Variants in CSMD1 observed in about 807,000 individuals in gnomAD.
The protein encoded by CSMD1 is CUB and sushi domain-containing protein 1.
Under a neutral mutation model 417.5 loss-of-function variants are expected in CSMD1, and 213 were observed. The observed-to-expected ratio is 0.51, with a 90% CI of 0.46 to 0.57. The LOEUF (loss-of-function observed/expected upper bound fraction) is 0.57. CSMD1 is among the 20% of genes least tolerant of loss of function. The pLI is 0.00. For missense variants in CSMD1, 6,923 were observed against 4,529.7 expected (o/e 1.53, Z -15.17); for synonymous variants, 2,862 against 1,736.8 (o/e 1.65, Z -16.11).
At chr8:3,224,044 C>G (rs962709204) in intron 27 of CSMD1, among the ~76,000 whole-genome samples, 177 bp from the exon 28 acceptor site, 18 of 152,190 alleles carry the variant, frequency 1.2e-4, no homozygotes, top group African/African-American at 4.1e-4. Flanking sequence ...CCCAGGAACT[C>G]TGTACATTTT....
chr8:4,751,008 T>C (rs933503181), intron 1 of CSMD1, among the ~76,000 whole-genome samples: 1 of 152,230 alleles, frequency 6.6e-6, no homozygotes, highest in Non-Finnish European at 1.5e-5. Context: ...GACCCTTATA[T>C]GGTGGCTATT....
At chr8:3,998,982 A>G (rs543995607) in intron 4 of CSMD1, among the ~76,000 whole-genome samples, 1 of 147,496 alleles carries the variant, frequency 6.8e-6, no homozygotes, top group South Asian at 2.1e-4. Flanking sequence ...AAATAACATA[A>G]ACTATATGAT....
chr8:4,459,129 A>T (rs1434555706), intron 2 of CSMD1, among the ~76,000 whole-genome samples: 4 of 152,196 alleles, frequency 2.6e-5, no homozygotes, highest in African/African-American at 9.7e-5. Context: ...TCAGGCCACC[A>T]TCCTTTCTCA....
intron 3 of CSMD1, among the ~76,000 whole-genome samples, chr8:4,055,072 A>C (rs1484637826): frequency 6.6e-6 from 1 of 152,178 alleles, no homozygotes; most frequent in Non-Finnish European, 1.5e-5. Context: ...ATCAGAGAGA[A>C]TACTCATGAG....
At chr8:4,717,724 G>T (rs1653365080) in intron 1 of CSMD1, among the ~76,000 whole-genome samples, 1 of 152,080 alleles carries the variant, frequency 6.6e-6, no homozygotes, top group Admixed American at 6.6e-5. Context: ...ATACAGTGGA[G>T]CCATGTTTGC....
At chr8:4,761,912 A>AATCAATCT (rs1307607582) in intron 1 of CSMD1, among the ~76,000 whole-genome samples, 4 of 101,266 alleles carry the variant, frequency 3.9e-5, no homozygotes, top group East Asian at 3.0e-4. Context: ...TCTATCTATC[A>AATCAATCT]ATCTATCTAT....
chr8:3,607,760 G>A (rs1233770386), intron 8 of CSMD1, among the ~76,000 whole-genome samples: 2 of 152,184 alleles, frequency 1.3e-5, no homozygotes, highest in African/African-American at 4.8e-5. Flanking sequence ...CCCCTCCTCT[G>A]TATCTCCATT....
intron 4 of CSMD1, among the ~76,000 whole-genome samples, chr8:4,018,226 G>C (rs1237687490): frequency 6.6e-6 from 1 of 152,034 alleles, no homozygotes; most frequent in Non-Finnish European, 1.5e-5. Context: ...TATATTTTCA[G>C]GATTCTGACT....
At chr8:4,701,702 G>A (rs1172719038) in intron 1 of CSMD1, among the ~76,000 whole-genome samples, 1 of 152,080 alleles carries the variant, frequency 6.6e-6, no homozygotes, top group Non-Finnish European at 1.5e-5. Flanking sequence ...AAAAAGTAGA[G>A]TGGTGACAAA....
At chr8:3,370,430 T>G (rs1809874084) in intron 18 of CSMD1, among the ~76,000 whole-genome samples, 1 of 152,178 alleles carries the variant, frequency 6.6e-6, no homozygotes, top group African/African-American at 2.4e-5. Flanking sequence ...GTGAGGCCTA[T>G]GGATGTCACC....
rs191015579 is a variant in CSMD1, at chr8:3,287,183, A to G, written c.3951-2837T>C. ...GCTCTGTTCTGTTCCATTGGTCTCT[A>G]TCTCTGTTTTGGTTACTGTAGCCTT... On this transcript the variant is annotated intron_variant, in intron 25 of 69. Transcript: ENST00000635120. Among the ~76,000 whole-genome samples, 31 of 131,454 alleles carry G rather than the reference A, an allele frequency of 2.4e-4. 1 individual carries two copies. The East Asian group carries it at 3.1e-3, about 13-fold the overall frequency. 86.2% of individuals were successfully genotyped at this position (131,454 alleles called of 152,430 possible). A position where few individuals can be genotyped will look rare whatever the true frequency, so the allele number is the denominator to read the frequency against.
intron 26 of CSMD1, among the ~76,000 whole-genome samples, chr8:3,254,670 T>C (rs1227004216): frequency 6.6e-6 from 1 of 152,248 alleles, no homozygotes; most frequent in Non-Finnish European, 1.5e-5. Context: ...AATTGGCTAT[T>C]GAGACTTGTG....
At position 3,172,794 on chromosome 8, in the gene CSMD1, T is replaced by C. The variant is rs559593141; in HGVS notation, c.5725+8316A>G. Among the ~76,000 whole-genome samples, 5 of 152,300 alleles carry C rather than the reference T, an allele frequency of 3.3e-5. No homozygotes were observed. The East Asian group carries it at 7.7e-4, about 24-fold the overall frequency. On this transcript the variant is annotated intron_variant, in intron 37 of 69. Transcript: ENST00000635120. Reference sequence around the variant, plus strand: ...GAGGCACAAGGGCAGTTGAACCCAATGGCAATTGTCAGTTTCCATTGAAAC... The same window carrying C: ...GAGGCACAAGGGCAGTTGAACCCAACGGCAATTGTCAGTTTCCATTGAAAC...
chr8:4,876,771 C>G (rs1331808026), intron 1 of CSMD1, among the ~76,000 whole-genome samples: 1 of 151,944 alleles, frequency 6.6e-6, no homozygotes, highest in Non-Finnish European at 1.5e-5. Flanking sequence ...GGAGTCATTT[C>G]TCAGTTTTTT....
chr8:4,788,729 A>G (rs1273589983), intron 1 of CSMD1: 2 of 436,516 alleles, frequency 4.6e-6, no homozygotes, highest in Admixed American at 7.7e-5. Context: ...CTCTAGATCC[A>G]TACTAATAAA....
intron 10 of CSMD1, among the ~76,000 whole-genome samples, chr8:3,514,310 G>A (rs994559446): frequency 1.3e-5 from 2 of 152,194 alleles, no homozygotes; most frequent in African/African-American, 4.8e-5. Context: ...ATTGCAGCTA[G>A]TAGATATTTT....
intron 1 of CSMD1, among the ~76,000 whole-genome samples, chr8:4,936,758 G>C (rs1229372174): frequency 6.6e-6 from 1 of 152,142 alleles, no homozygotes; most frequent in Non-Finnish European, 1.5e-5. Flanking sequence ...TATTGGAATT[G>C]TCTATATGTG....
intron 7 of CSMD1, among the ~76,000 whole-genome samples, chr8:3,621,679 G>A (rs545094585): frequency 4.3e-4 from 66 of 151,906 alleles, no homozygotes; most frequent in Non-Finnish European, 8.2e-4. Context: ...TGCAGCCTTC[G>A]TCTTCCATGC....
At chr8:3,610,456 G>A (rs181066173) in intron 8 of CSMD1, among the ~76,000 whole-genome samples, 5 of 152,184 alleles carry the variant, frequency 3.3e-5, no homozygotes, top group Admixed American at 1.3e-4. Context: ...GATCATTTGA[G>A]CCCTGGAGTT....
Sources: gnomAD v4.1 joint callset for allele counts (sites outside exome capture counted in the v4.1 genomes callset) on GRCh38, gnomAD v4.1.1 for gene constraint, MANE v1.5 for transcripts, NCBI Gene and HGNC (gene_info 2026-07-23, HGNC 2026-07-21) for gene names.